The following ITIH5 variants were observed in gnomAD, a reference collection of about 807,000 sequenced individuals.
ITIH5 encodes inter-alpha-trypsin inhibitor heavy chain H5.
A neutral mutation model predicts 77.5 loss-of-function variants in ITIH5; 65 were observed. The ratio of observed to expected loss-of-function variants is 0.84; its 90% CI spans 0.69 to 1.03. The LOEUF (loss-of-function observed/expected upper bound fraction) is 1.03. Among genes scored for constraint, ITIH5 ranks in the 50% least tolerant of loss-of-function variants. ITIH5 has a pLI of 0.00. For missense variants in ITIH5, 1,208 were observed against 1,213.1 expected, an observed-to-expected ratio of 1.00 and a Z score of 0.06; for synonymous variants, 525 against 494.3, an observed-to-expected ratio of 1.06 and a Z score of -0.82.
intron 5 of ITIH5, among the ~76,000 whole-genome samples, chr10:7,624,868 T>TATACAC (rs1477286771): frequency 4.4e-5 from 4 of 91,918 alleles, no homozygotes; most frequent in Non-Finnish European, 8.1e-5. Context: ...TATATATGTA[T>TATACAC]ATATGTATGT....
At chr10:7,582,298 G>C (rs936674457) in intron 8 of ITIH5, among the ~76,000 whole-genome samples, 1 of 152,192 alleles carries the variant, frequency 6.6e-6, no homozygotes, top group Admixed American at 6.5e-5. Flanking sequence ...TATTTGTTTG[G>C]TGGATGGGGA....
At chr10:7,655,430 G>A (rs1213293963) in intron 2 of ITIH5, among the ~76,000 whole-genome samples, 1 of 151,790 alleles carries the variant, frequency 6.6e-6, no homozygotes, top group Non-Finnish European at 1.5e-5. Context: ...GAAATAATCA[G>A]GTCTCCTTCC....
chr10:7,657,213 T>C (rs748073832), intron 1 of ITIH5, among the ~76,000 whole-genome samples: 24 of 150,892 alleles, frequency 1.6e-4, no homozygotes, highest in Non-Finnish European at 2.4e-4. Context: ...CCCGGCTAAT[T>C]TTACTTTTGT....
At chr10:7,641,899 C>A (rs1481359050) in intron 3 of ITIH5, 28 bp downstream of exon 3, 1 of 1,612,136 alleles carries the variant, frequency 6.2e-7, no homozygotes, top group African/African-American at 1.3e-5. Context: ...AGGCAGAAAT[C>A]TTCATCCCTG....
At chr10:7,649,926 C>G (rs1025815681) in intron 2 of ITIH5, among the ~76,000 whole-genome samples, 1 of 152,220 alleles carries the variant, frequency 6.6e-6, no homozygotes, top group Non-Finnish European at 1.5e-5. Context: ...ATCCAACATG[C>G]TTTCCATATT....
intron 7 of ITIH5, among the ~76,000 whole-genome samples, chr10:7,602,787 A>G (rs1449538948): frequency 1.3e-5 from 2 of 152,008 alleles, no homozygotes; most frequent in Non-Finnish European, 2.9e-5. Context: ...CCAAAGTCTC[A>G]AGAATCTTTT....
chr10:7,566,477 C>T (rs1832161710), intron 12 of ITIH5, 70 bp from the exon 13 acceptor site: 1 of 1,482,876 alleles, frequency 6.7e-7, no homozygotes, highest in African/African-American at 1.4e-5. Flanking sequence ...ACCTGTAATC[C>T]CAGCACTTAG....
chr10:7,600,156 G>A (rs1030939562), intron 7 of ITIH5, among the ~76,000 whole-genome samples: 2 of 152,120 alleles, frequency 1.3e-5, no homozygotes, highest in African/African-American at 4.8e-5. Flanking sequence ...CAATTACCTG[G>A]GGAAGAAAAG....
chr10:7,665,505 T>A (rs1834347446), intron 1 of ITIH5, among the ~76,000 whole-genome samples: 2 of 152,232 alleles, frequency 1.3e-5, no homozygotes, highest in African/African-American at 4.8e-5. Context: ...CGAAAGGCAC[T>A]TGATCAGGGT....
At position 7,576,718 on chromosome 10, in the gene ITIH5, G is replaced by A. The variant is rs370440040; in HGVS notation, c.1713C>T (p.Asn571=). The change falls in exon 10 of 14, where the codon AAC becomes AAT. Residue 571 remains asparagine, a synonymous_variant. Coordinates refer to ENST00000397146, the MANE Select transcript of ITIH5 (RefSeq NM_030569.7). ...RPGGDGEGDT[N]HIERLWSYLT... ...GGTAGCTCCAGAGACGCTCGATGTG[G>A]TTGGTGTCCCCCTCTCCATCGCCTC... 6 of 1,613,954 alleles carry A rather than the reference G, an allele frequency of 3.7e-6. No homozygotes were observed. Among genetic ancestry groups the A allele is most frequent in the Non-Finnish European group, 8.5e-7 (1 of 1,180,012 alleles).
At position 7,566,112 on chromosome 10, in the gene ITIH5, C is replaced by G; in HGVS notation, c.2445G>C (p.Lys815Asn). The G allele has an allele frequency of 1.2e-6, 2 of 1,614,102 alleles. No individual in the cohort carries two copies. Among genetic ancestry groups the G allele is most frequent in the Admixed American group, 3.3e-5 (2 of 59,996 alleles). The stretch of plus-strand genomic sequence containing the variant: ...GGTGGTGTCGCTGGAAGGGCGCCGG[C>G]TTTTTGTAGAGGTGGATGAGGATGA... ...AFVILIHLYK[K>N]PAPFQRHHLG... Residue 815 changes from lysine (K) to asparagine (N), a missense_variant, in exon 13 of 14, where the codon AAG becomes AAC. Transcript: ENST00000397146.
At position 7,562,858 on chromosome 10, in the gene ITIH5, A is replaced by G. The variant is rs1163701159; in HGVS notation, c.*225T>C. ...GGATGTGGGCAGGGTGGGGAGAGGC[A>G]GGAAGAGGCAGTAGAGGGAAATGAC... is the stretch of plus-strand genomic sequence containing the variant. On this transcript the variant is annotated 3_prime_UTR_variant, in exon 14 of 14. Coordinates refer to ENST00000397146, the MANE Select transcript of ITIH5 (RefSeq NM_030569.7). 2 of 571,430 alleles carry G rather than the reference A, an allele frequency of 3.5e-6. No homozygotes were observed. The highest frequency in any genetic ancestry group is 1.9e-5 in the African/African-American group (1 of 53,320). 35.4% of individuals were successfully genotyped at this position (571,430 alleles called of 1,614,324 possible). A position where few individuals can be genotyped will look rare whatever the true frequency, so the allele number is the denominator to read the frequency against.
chr10:7,575,104 G>A (rs779884907), intron 10 of ITIH5, among the ~76,000 whole-genome samples: 3 of 152,160 alleles, frequency 2.0e-5, no homozygotes, highest in Non-Finnish European at 4.4e-5. Context: ...TTGCAACCTC[G>A]CTATCAGGGT....
chr10:7,644,663 T>TCA, intron 2 of ITIH5, among the ~76,000 whole-genome samples: 1 of 135,668 alleles, frequency 7.4e-6, no homozygotes, highest in South Asian at 2.4e-4. Flanking sequence ...CACATATATA[T>TCA]CATATATATC....
intron 2 of ITIH5, among the ~76,000 whole-genome samples, chr10:7,642,827 G>A (rs1833911370): frequency 6.6e-6 from 1 of 152,182 alleles, no homozygotes; most frequent in Admixed American, 6.5e-5. Flanking sequence ...GCCTGAAGAA[G>A]GAAGAAAACA....
At chr10:7,600,501 C>A in intron 7 of ITIH5, 1 of 456,642 alleles carries the variant, frequency 2.2e-6, no homozygotes, top group South Asian at 1.6e-5. Flanking sequence ...TGAGCCCGGT[C>A]TCTCCTCCTG....
chr10:7,644,702 A>G (rs1347009196), intron 2 of ITIH5, among the ~76,000 whole-genome samples: 2 of 140,376 alleles, frequency 1.4e-5, no homozygotes, highest in South Asian at 2.2e-4. Context: ...TCACATATCT[A>G]TATCACATAT....
rs1832161182 is a variant in ITIH5 at position 7,566,463 on chromosome 10, T to G, written c.2150-56A>C. The G allele has an allele frequency of 1.1e-5, 16 of 1,514,132 alleles. No homozygotes were observed. In the East Asian group the frequency reaches 3.6e-4, roughly 34 times the overall value. The allele number at this position is 1,514,132 out of a possible 1,614,324, so 93.8% of individuals were successfully genotyped here. ...AGAAAATCTGACCAGGAGTGGTGGC[T>G]CACACCTGTAATCCCAGCACTTAGA... On this transcript the variant is annotated intron_variant, in intron 12 of 13. Coordinates refer to ENST00000397146, the MANE Select transcript of ITIH5 (RefSeq NM_030569.7).
rs1367415798 is a variant in ITIH5 at position 7,652,500 on chromosome 10, T to C, written c.135+3131A>G. 5.3e-5 allele frequency among the ~76,000 whole-genome samples: 8 copies of C among 152,262 alleles called. No homozygotes were observed. In the East Asian group the frequency reaches 1.4e-3, roughly 26 times the overall value. The stretch of plus-strand genomic sequence containing the variant: ...CCAGGTCTACCACTGGAAAAATCAT[T>C]CTAGTACCAACTGGATGGTCAGTAA... On this transcript the variant is annotated intron_variant, in intron 2 of 13. Coordinates refer to ENST00000397146, the MANE Select transcript of ITIH5 (RefSeq NM_030569.7).
Sources: gnomAD v4.1 joint callset for allele counts (sites outside exome capture counted in the v4.1 genomes callset) on GRCh38, gnomAD v4.1.1 for gene constraint, MANE v1.5 for transcripts, NCBI Gene and HGNC (gene_info 2026-07-23, HGNC 2026-07-21) for gene names.